Variants in TOP2B observed in about 807,000 individuals in gnomAD.
The protein encoded by TOP2B is DNA topoisomerase II beta.
In TOP2B, 51 loss-of-function variants were observed where a neutral mutation model predicts 193.5. That is an observed-to-expected ratio of 0.26 (90% CI 0.21 to 0.33). The LOEUF (loss-of-function observed/expected upper bound fraction) is 0.33, where lower values mean the gene tolerates loss of function less well. Among genes scored for constraint, TOP2B ranks in the 10% least tolerant of loss-of-function variants. TOP2B has a pLI of 1.00. For missense variants in TOP2B, 1,378 were observed against 1,909.3 expected, an observed-to-expected ratio of 0.72 and a Z score of 5.19; for synonymous variants, 634 against 635.7, an observed-to-expected ratio of 1.00 and a Z score of 0.04.
chr3:25,627,411 C>G, intron 15 of TOP2B, 115 bp from the exon 16 acceptor site: 1 of 566,154 alleles, frequency 1.8e-6, no homozygotes. Flanking sequence ...AACACCTATA[C>G]TAAGTGATCA....
rs775992395 is a variant in TOP2B, at chr3:25,598,422, T to C, written c.4766A>G (p.Asp1589Gly). 1.2e-6 allele frequency: 2 copies of C among 1,613,378 alleles called. No individual in the cohort carries two copies. Among genetic ancestry groups the C allele is most frequent in the South Asian group, 2.2e-5 (2 of 90,984 alleles). Residue 1589 changes from aspartate (D) to glycine (G), a missense_variant, in exon 36 of 36, where the codon GAC (aspartate) becomes GGC (glycine). Physicochemically the swap from Asp to Gly is moderately conservative, Grantham distance 94 (BLOSUM62 -1). Transcript: ENST00000264331. Reference sequence around the variant, plus strand: ...CAGAGAAGGTGGCTCAGTAGGGAAGTCTGAGGGGAAGATGTCCACATCTGA... The same window carrying C: ...CAGAGAAGGTGGCTCAGTAGGGAAGCCTGAGGGGAAGATGTCCACATCTGA... ...QDSDVDIFPS[D>G]FPTEPPSLPR... is the part of the protein sequence containing the mutation.
intron 1 of TOP2B, 60 bp downstream of exon 1, chr3:25,664,169 T>C: frequency 2.0e-6 from 3 of 1,533,050 alleles, no homozygotes; most frequent in Non-Finnish European, 2.6e-6. Context: ...CGTTCGGAAT[T>C]CCGCCCCCGC....
Position 25,664,499 on chromosome 3 carries a change from A to C in TOP2B, c.-202T>G. On this transcript the variant is annotated 5_prime_UTR_variant, in exon 1 of 36. Transcript: ENST00000264331. ...AGGCCGCGCCGCCGGCTGCCCTCAA[A>C]CTCGAGGCGCGGCGTCCGCGTCGCC... The C allele has an allele frequency of 3.4e-6, 4 of 1,173,048 alleles. No individual in the cohort carries two copies. Among genetic ancestry groups the C allele is most frequent in the African/African-American group, 1.6e-5 (1 of 62,022 alleles). The allele number at this position is 1,173,048 out of a possible 1,614,324, so 72.7% of individuals were successfully genotyped here.
rs754203786 is a variant in TOP2B at position 25,626,909 on chromosome 3, A to G, written c.2017-45T>C. 2.6e-6 allele frequency: 3 copies of G among 1,168,830 alleles called. No homozygotes were observed. The South Asian group carries it at 4.3e-5, about 17-fold the overall frequency. 72.4% of individuals were successfully genotyped at this position (1,168,830 alleles called of 1,614,324 possible). ...GATTTTGCACATTAAAAATAAAATA[A>G]ATTTTATTACAAAATTAAAATGTAT... On this transcript the variant is annotated intron_variant, in intron 16 of 35. Transcript: ENST00000264331.
intron 1 of TOP2B, among the ~76,000 whole-genome samples, chr3:25,653,285 C>T (rs1031489734): frequency 4.6e-5 from 7 of 152,128 alleles, no homozygotes; most frequent in Admixed American, 3.9e-4. Context: ...ATGAAGCCAG[C>T]ATTTCTCTGA....
Position 25,648,619 on chromosome 3 carries a change from G to A in TOP2B, c.70-3149C>T, listed in dbSNP as rs145362945. Among the ~76,000 whole-genome samples, 568 of 152,222 alleles carry A rather than the reference G, an allele frequency of 3.7e-3. 3 individuals carry two copies. The highest frequency in any genetic ancestry group is 0.013 in the African/African-American group (532 of 41,484). On this transcript the variant is annotated intron_variant, in intron 1 of 35. Transcript: ENST00000264331. Reference sequence around the variant, plus strand: ...CACCTGTAATCCCAGCACTTTGGGAGGCTGAGGCAGGCAGATCCCTTGAGC... The same window carrying A: ...CACCTGTAATCCCAGCACTTTGGGAAGCTGAGGCAGGCAGATCCCTTGAGC...
Position 25,599,451 on chromosome 3 carries a change from G to C in TOP2B, c.4694C>G (p.Ser1565Cys). Residue 1565 changes from serine to cysteine, a missense_variant, in exon 35 of 36, where the codon TCC becomes TGC. By Grantham distance (112) the Ser-to-Cys change is moderately radical. This residue lies in a region of TOP2B where 556 missense variants were observed against 584.2 expected (regional missense o/e 0.95). Transcript: ENST00000264331. ...CCCGGTTACCTTGCTTGTTGTTTTG[G>C]ATGTTTTCCTGCCAGGGTTATAATC... is the stretch of plus-strand genomic sequence containing the variant. ...EGDYNPGRKTSKTTSKKPKKT... is the reference protein window; with the variant it reads ...EGDYNPGRKTCKTTSKKPKKT... 6.2e-7 allele frequency: 1 copy of C among 1,613,370 alleles called. No homozygotes were observed. The highest frequency in any genetic ancestry group is 8.5e-7 in the Non-Finnish European group (1 of 1,179,610).
At chr3:25,636,642 T>C (rs1265718981) in intron 6 of TOP2B, among the ~76,000 whole-genome samples, 1 of 152,066 alleles carries the variant, frequency 6.6e-6, no homozygotes, top group Non-Finnish European at 1.5e-5. Context: ...TAAACTAAAC[T>C]GTACAACTTT....
At chr3:25,637,586 G>A (rs1023058620) in intron 5 of TOP2B, among the ~76,000 whole-genome samples, 7 of 151,834 alleles carry the variant, frequency 4.6e-5, no homozygotes, top group East Asian at 1.9e-4. Context: ...TATCTTTCAC[G>A]ACCCAGCAAA....
At chr3:25,626,344 T>C (rs1443320141) in intron 18 of TOP2B, among the ~76,000 whole-genome samples, 1 of 152,066 alleles carries the variant, frequency 6.6e-6, no homozygotes, top group African/African-American at 2.4e-5. Context: ...CGGAAAAGGT[T>C]TAAAAGTTTC....
In TOP2B at chr3:25,623,614, G is replaced by A. The variant is rs753271484; in HGVS notation, c.2628C>T (p.Gly876=). 15 of 1,613,724 alleles carry A rather than the reference G, an allele frequency of 9.3e-6. No homozygotes were observed. The highest frequency in any genetic ancestry group is 1.2e-5 in the Non-Finnish European group (14 of 1,179,800). The change falls in exon 21 of 36, where the codon GGC becomes GGT. Residue 876 remains glycine (G), a synonymous_variant. Transcript: ENST00000264331. ...GTTTACAAGCCCATCCAGTACCAAT[G>A]CCCTCAGCACCATTTATTAAAACCA... ...IPMVLINGAE[G]IGTGWACKLP...
chr3:25,616,161 G>A (rs909643690), intron 25 of TOP2B, among the ~76,000 whole-genome samples: 1 of 151,810 alleles, frequency 6.6e-6, no homozygotes, highest in Non-Finnish European at 1.5e-5. Flanking sequence ...TTTCGTCAGG[G>A]TTTTGCTGAA....
In TOP2B at chr3:25,652,541, T is replaced by C. The variant is rs113997309; in HGVS notation, c.70-7071A>G. On this transcript the variant is annotated intron_variant, in intron 1 of 35. Coordinates refer to ENST00000264331, the MANE Select transcript of TOP2B (RefSeq NM_001330700.2). ...GAAGGAAAACAGTAAAATCCACAAATAAGTGGAAGTTAAACAACTCACTCT... is the reference window on the plus strand; with the variant it reads ...GAAGGAAAACAGTAAAATCCACAAACAAGTGGAAGTTAAACAACTCACTCT... 5.8e-3 allele frequency among the ~76,000 whole-genome samples: 884 copies of C among 152,174 alleles called. 14 individuals are homozygous for C. The highest frequency in any genetic ancestry group is 0.02 in the African/African-American group (845 of 41,512).
intron 1 of TOP2B, among the ~76,000 whole-genome samples, chr3:25,656,291 A>G (rs1703743846): frequency 1.3e-5 from 2 of 152,170 alleles, no homozygotes; most frequent in African/African-American, 4.8e-5. Context: ...TCAACTGCCA[A>G]TTATAATATC....
At position 25,612,508 on chromosome 3, in the gene TOP2B, G is replaced by A. The variant is rs749573262; in HGVS notation, c.3786+7C>T. The A allele has an allele frequency of 1.9e-6, 3 of 1,602,220 alleles. No homozygotes were observed. Among genetic ancestry groups the A allele is most frequent in the African/African-American group, 1.3e-5 (1 of 74,748 alleles). On this transcript the variant is annotated splice_region_variant and intron_variant, in intron 28 of 35. Transcript: ENST00000264331. ...TGAGTCTATCAATGACAAGAGGTAT[G>A]TCATACCTTCTTCTTCTTCAGCAAC...
At position 25,632,299 on chromosome 3, in the gene TOP2B, C is replaced by A. The variant is rs1702983434; in HGVS notation, c.1266+147G>T. On this transcript the variant is annotated intron_variant, in intron 10 of 35. Transcript: ENST00000264331. ...ATTAAAGTCTACCCTTTAAAGTTAT[C>A]AAATTAAGCATATTAGTTTGTAGTG... 3 of 680,322 alleles carry A rather than the reference C, an allele frequency of 4.4e-6. No individual in the cohort carries two copies. In the East Asian group the frequency reaches 8.7e-5, roughly 20 times the overall value. The allele number at this position is 680,322 out of a possible 1,614,324, so 42.1% of individuals were successfully genotyped here. A position where few individuals can be genotyped will look rare whatever the true frequency, so the allele number is the denominator to read the frequency against.
At chr3:25,660,671 G>A (rs1013538929) in intron 1 of TOP2B, among the ~76,000 whole-genome samples, 3 of 152,162 alleles carry the variant, frequency 2.0e-5, no homozygotes, top group Admixed American at 2.0e-4. Flanking sequence ...ATTGGAAAGG[G>A]CACATAGTTT....
At chr3:25,646,973 T>C (rs961155110) in intron 1 of TOP2B, among the ~76,000 whole-genome samples, 2 of 152,206 alleles carry the variant, frequency 1.3e-5, no homozygotes, top group Admixed American at 6.5e-5. Context: ...TATATTCTTA[T>C]ACATTCCTAC....
intron 28 of TOP2B, among the ~76,000 whole-genome samples, 172 bp from the exon 29 acceptor site, chr3:25,609,884 A>G (rs1056152570): frequency 1.3e-5 from 2 of 152,202 alleles, no homozygotes; most frequent in East Asian, 1.9e-4. Flanking sequence ...TCACTTATCT[A>G]TAGTAAATAA....
Sources: allele counts gnomAD v4.1 joint callset (sites outside exome capture counted in the v4.1 genomes callset), GRCh38; gene constraint gnomAD v4.1.1; regional missense constraint gnomAD v4.1.1; transcripts MANE v1.5; gene names NCBI Gene and HGNC (gene_info 2026-07-23, HGNC 2026-07-21).